The following NBEA variants were observed in gnomAD, a reference collection of about 807,000 sequenced individuals.
NBEA encodes the protein neurobeachin.
A neutral mutation model predicts 343.4 loss-of-function variants in NBEA; 44 were observed. The observed-to-expected ratio is 0.13, with a 90% CI of 0.10 to 0.16. The LOEUF is 0.16. Ranked by LOEUF, NBEA falls within the 10% of genes least tolerant of loss-of-function variation. The pLI, the probability that NBEA is intolerant of heterozygous loss-of-function variation, is 1.00. For synonymous variants in NBEA, 1,175 were observed against 1,238.7 expected (o/e 0.95, Z 1.08); for missense variants, 2,555 against 3,631.3 (o/e 0.70, Z 7.62).
At chr13:35,358,686 C>A (rs1353862556) in intron 38 of NBEA, among the ~76,000 whole-genome samples, 1 of 151,560 alleles carries the variant, frequency 6.6e-6, no homozygotes, top group Non-Finnish European at 1.5e-5. Context: ...CCAGTGCACT[C>A]CAGCCTGGGC....
intron 38 of NBEA, among the ~76,000 whole-genome samples, chr13:35,362,510 T>G (rs1160982117): frequency 6.6e-6 from 1 of 151,964 alleles, no homozygotes; most frequent in African/African-American, 2.4e-5. Flanking sequence ...ACTCAATGAA[T>G]TATAGTTGTT....
chr13:35,289,432 C>T (rs1324865980), intron 34 of NBEA, among the ~76,000 whole-genome samples: 1 of 151,772 alleles, frequency 6.6e-6, no homozygotes, highest in Non-Finnish European at 1.5e-5. Context: ...AATTAACGTA[C>T]TCTCAACAGT....
rs919832788 is a variant in NBEA at position 34,971,600 on chromosome 13, A to G, written c.294+28486A>G. On this transcript the variant is annotated intron_variant, in intron 1 of 58. Transcript: ENST00000379939. ...TTTATTGAAAGCGTTTTCTGCATCT[A>G]TTGAGACAATCATGTGGTTTTTGTC... 1.3e-5 allele frequency among the ~76,000 whole-genome samples: 2 copies of G among 152,248 alleles called. 1 individual carries two copies. Among genetic ancestry groups the G allele is most frequent in the South Asian group, 4.1e-4 (2 of 4,828 alleles).
chr13:35,531,289 C>T (rs780131179), intron 41 of NBEA, among the ~76,000 whole-genome samples: 6 of 152,084 alleles, frequency 3.9e-5, no homozygotes, highest in African/African-American at 9.7e-5. Flanking sequence ...AGAGACTTGC[C>T]GTAGTCTTCC....
intron 39 of NBEA, among the ~76,000 whole-genome samples, chr13:35,450,638 C>T (rs1209619526): frequency 1.3e-5 from 2 of 152,066 alleles, no homozygotes; most frequent in African/African-American, 2.4e-5. Context: ...GTTTATGGTC[C>T]GACACCATAA....
At position 35,157,072 on chromosome 13, in the gene NBEA, C is replaced by A; in HGVS notation, c.2652-6C>A. On this transcript the variant is annotated splice_polypyrimidine_tract_variant and splice_region_variant and intron_variant, in intron 20 of 58. Coordinates refer to ENST00000379939, the MANE Select transcript of NBEA (RefSeq NM_001385012.1). Reference sequence around the variant, plus strand: ...TTTTAATGAGATCAAATTTTTTTCTCCCTAGATGCTTATTGCAGTGTTCAG... The same window carrying A: ...TTTTAATGAGATCAAATTTTTTTCTACCTAGATGCTTATTGCAGTGTTCAG... The A allele has an allele frequency of 6.5e-7, 1 of 1,530,804 alleles. No homozygotes were observed. The highest frequency in any genetic ancestry group is 8.8e-7 in the Non-Finnish European group (1 of 1,140,616). The allele number at this position is 1,530,804 out of a possible 1,614,324, so 94.8% of individuals were successfully genotyped here.
chr13:35,471,260 C>T (rs1413837145), intron 40 of NBEA, among the ~76,000 whole-genome samples: 2 of 152,120 alleles, frequency 1.3e-5, no homozygotes, highest in Non-Finnish European at 2.9e-5. Context: ...ACTTGGCCGC[C>T]TCTCCCGAGC....
chr13:35,170,983 C>T (rs2070417972), intron 25 of NBEA: 1 of 445,552 alleles, frequency 2.2e-6, no homozygotes. Flanking sequence ...GTCTAAATAT[C>T]TTTGTGAAAT....
Position 35,424,099 on chromosome 13 carries a change from G to C in NBEA, c.6180-8170G>C, listed in dbSNP as rs560062144. ...TATACAATCATGTCATCTACAAACA[G>C]GGACAATTTGACTTCCTCTTTTCCT... is the stretch of plus-strand genomic sequence containing the variant. On this transcript the variant is annotated intron_variant, in intron 38 of 58. Coordinates refer to ENST00000379939, the MANE Select transcript of NBEA (RefSeq NM_001385012.1). 1.6e-3 allele frequency among the ~76,000 whole-genome samples: 246 copies of C among 152,266 alleles called. 2 individuals are homozygous for C. Among genetic ancestry groups the C allele is most frequent in the Admixed American group, 4.1e-3 (62 of 15,284 alleles).
At chr13:35,499,737 T>C (rs1412359193) in intron 41 of NBEA, among the ~76,000 whole-genome samples, 1 of 152,088 alleles carries the variant, frequency 6.6e-6, no homozygotes, top group Non-Finnish European at 1.5e-5. Context: ...AGTTTTCATA[T>C]ACAAGGACTC....
At chr13:35,468,519 T>C (rs1197395304) in intron 40 of NBEA, among the ~76,000 whole-genome samples, 2 of 152,290 alleles carry the variant, frequency 1.3e-5, no homozygotes, top group African/African-American at 4.8e-5. Flanking sequence ...TACTTAATCA[T>C]TGAATTATTT....
chr13:35,385,457 T>C (rs2152895267), intron 38 of NBEA, among the ~76,000 whole-genome samples: 1 of 152,272 alleles, frequency 6.6e-6, no homozygotes, highest in Admixed American at 6.5e-5. Flanking sequence ...TCCAAAGCTT[T>C]GGGAGTGCAG....
intron 33 of NBEA, among the ~76,000 whole-genome samples, chr13:35,228,918 A>T (rs900720855): frequency 1.3e-5 from 2 of 152,140 alleles, no homozygotes; most frequent in African/African-American, 4.8e-5. Flanking sequence ...TTATTAGAGT[A>T]TAAGATTATA....
intron 45 of NBEA, among the ~76,000 whole-genome samples, chr13:35,576,773 A>C (rs1462908079): frequency 6.6e-6 from 1 of 152,332 alleles, no homozygotes; most frequent in Admixed American, 6.5e-5. Context: ...CAAGAAATTT[A>C]TACTGATTTA....
rs963969677 is a variant in NBEA, at chr13:35,245,565, A to G, written c.5776+12946A>G. On this transcript the variant is annotated intron_variant, in intron 34 of 58. Coordinates refer to ENST00000379939, the MANE Select transcript of NBEA (RefSeq NM_001385012.1). The stretch of plus-strand genomic sequence containing the variant: ...ATGAAGATTAGTTTCTCTGGATACA[A>G]AATTCTTGGCTGATAATTGTTTTGT... Among the ~76,000 whole-genome samples the G allele has an allele frequency of 7.9e-5, 12 of 152,188 alleles. No individual in the cohort carries two copies. The East Asian group carries it at 1.3e-3, about 17-fold the overall frequency.
At chr13:35,211,297 C>T (rs535241515) in intron 33 of NBEA, 118 bp downstream of exon 33, 13 of 878,258 alleles carry the variant, frequency 1.5e-5, no homozygotes, top group African/African-American at 3.4e-5. Context: ...TTTGTGATTA[C>T]ATTTCACAAT....
intron 1 of NBEA, among the ~76,000 whole-genome samples, chr13:34,945,722 C>T (rs986229440): frequency 6.6e-6 from 1 of 152,120 alleles, no homozygotes; most frequent in Non-Finnish European, 1.5e-5. Flanking sequence ...ATACCTTTGT[C>T]TCAGTCGCCT....
At chr13:35,251,419 C>G (rs1439134592) in intron 34 of NBEA, 1 of 1,055,014 alleles carries the variant, frequency 9.5e-7, no homozygotes, top group African/African-American at 1.7e-5. Context: ...AGATCCTCGT[C>G]AGTGGTGGCT....
chr13:35,273,221 A>G (rs996018487), intron 34 of NBEA, among the ~76,000 whole-genome samples: 22 of 152,304 alleles, frequency 1.4e-4, no homozygotes, highest in African/African-American at 5.3e-4. Flanking sequence ...ACACGACTAC[A>G]TGGAAACTGA....
Sources: allele counts gnomAD v4.1 joint callset (sites outside exome capture counted in the v4.1 genomes callset), GRCh38; gene constraint gnomAD v4.1.1; transcripts MANE v1.5; gene names NCBI Gene and HGNC (gene_info 2026-07-23, HGNC 2026-07-21).